The following RPGRIP1L variants were observed in gnomAD, a reference collection of about 807,000 sequenced individuals.
The protein encoded by RPGRIP1L is RPGRIP1 like.
RPGRIP1L carries 131 observed loss-of-function variants against 160.4 expected under a neutral mutation model. The observed-to-expected ratio is 0.82, with a 90% CI of 0.71 to 0.94. RPGRIP1L has a LOEUF of 0.94. Among genes scored for constraint, RPGRIP1L ranks in the 40% least tolerant of loss-of-function variants. RPGRIP1L has a pLI of 0.00. For synonymous variants in RPGRIP1L, 510 were observed against 515.8 expected (o/e 0.99, Z 0.15); for missense variants, 1,522 against 1,535.8 (o/e 0.99, Z 0.15).
In RPGRIP1L at chr16:53,686,383, T is replaced by C. The variant is rs377626981; in HGVS notation, c.776+50A>G. On this transcript the variant is annotated intron_variant, in intron 6 of 26. Transcript: ENST00000647211. ...TCCTTTTATGGCACATGATAAAGTATTTTAAACTAATTTTGACCTTATCAA... is the reference window on the plus strand; with the variant it reads ...TCCTTTTATGGCACATGATAAAGTACTTTAAACTAATTTTGACCTTATCAA... 2.7e-5 allele frequency: 42 copies of C among 1,574,186 alleles called. No individual in the cohort carries two copies. In the African/African-American group the frequency reaches 4.7e-4, roughly 18 times the overall value.
chr16:53,681,110 A>G (rs1969570908), intron 6 of RPGRIP1L, among the ~76,000 whole-genome samples: 1 of 152,242 alleles, frequency 6.6e-6, no homozygotes, highest in South Asian at 2.1e-4. Context: ...GAGGGGAAAG[A>G]GTGAGCCCTG....
In RPGRIP1L at chr16:53,682,764, G is replaced by A. The variant is rs1013574144; in HGVS notation, c.776+3669C>T. On this transcript the variant is annotated intron_variant, in intron 6 of 26. Transcript: ENST00000647211. The stretch of plus-strand genomic sequence containing the variant: ...TTGAGAGGTCTGGTCCTTTAGCACT[G>A]TTTCTCACAAGGAACCATTCTTGGT... Among the ~76,000 whole-genome samples the A allele has an allele frequency of 3.7e-4, 57 of 152,270 alleles. 1 individual carries two copies. Among genetic ancestry groups the A allele is most frequent in the African/African-American group, 1.4e-3 (57 of 41,556 alleles).
rs2150903910 is a variant in RPGRIP1L at position 53,598,540 on chromosome 16, G to T, written c.*3536C>A. The T allele has an allele frequency of 6.6e-6, 1 of 152,266 alleles. No individual in the cohort carries two copies. The highest frequency in any genetic ancestry group is 2.1e-4 in the South Asian group (1 of 4,822). The allele number at this position is 152,266 out of a possible 1,614,324, so 9.4% of individuals were successfully genotyped here. Reference sequence around the variant, plus strand: ...CTACCTTGTAAGATAAAAGAGATTAGGATGAGGAGATGTTTTCTAATTCTA... The same window carrying T: ...CTACCTTGTAAGATAAAAGAGATTATGATGAGGAGATGTTTTCTAATTCTA... On this transcript the variant is annotated 3_prime_UTR_variant, in exon 27 of 27. Coordinates refer to ENST00000647211, the MANE Select transcript of RPGRIP1L (RefSeq NM_015272.5).
intron 2 of RPGRIP1L, among the ~76,000 whole-genome samples, chr16:53,698,338 C>T (rs1255549224): frequency 3.4e-5 from 5 of 146,212 alleles, no homozygotes; most frequent in Admixed American, 6.7e-5. Flanking sequence ...GCCCCCCGCC[C>T]GGCCAGCCAC....
intron 22 of RPGRIP1L, among the ~76,000 whole-genome samples, chr16:53,631,587 G>C (rs1302860844): frequency 1.3e-5 from 2 of 152,076 alleles, no homozygotes; most frequent in Admixed American, 1.3e-4. Context: ...GTTCAGTTTT[G>C]ATGTCTGTTT....
chr16:53,617,259 T>A (rs1271505680), intron 24 of RPGRIP1L, among the ~76,000 whole-genome samples: 2 of 152,006 alleles, frequency 1.3e-5, no homozygotes, highest in Non-Finnish European at 2.9e-5. Context: ...GCCAAGTTTC[T>A]CAATAGACAA....
intron 4 of RPGRIP1L, among the ~76,000 whole-genome samples, chr16:53,690,828 TGA>T (rs2151341560): frequency 6.6e-6 from 1 of 152,296 alleles, no homozygotes; most frequent in African/African-American, 2.4e-5. Context: ...AAAATGAGGC[TGA>T]GGTCAGTATT....
At chr16:53,623,651 C>A (rs951200346) in intron 22 of RPGRIP1L, among the ~76,000 whole-genome samples, 5 of 152,198 alleles carry the variant, frequency 3.3e-5, no homozygotes, top group African/African-American at 1.2e-4. Flanking sequence ...TCCTTTATGA[C>A]AGCAATACTG....
At chr16:53,646,359 A>C (rs1451228283) in intron 16 of RPGRIP1L, among the ~76,000 whole-genome samples, 1 of 152,108 alleles carries the variant, frequency 6.6e-6, no homozygotes, top group African/African-American at 2.4e-5. Flanking sequence ...ACTAAAATAC[A>C]TTCACCCGCC....
intron 22 of RPGRIP1L, 127 bp from the exon 23 acceptor site, chr16:53,622,483 T>G (rs187918350): frequency 2.5e-4 from 117 of 459,974 alleles, no homozygotes; most frequent in East Asian, 2.4e-3. Flanking sequence ...ATTCATACTG[T>G]GTTATTTCCT....
At chr16:53,692,933 C>T (rs1567888828) in intron 3 of RPGRIP1L, among the ~76,000 whole-genome samples, 1 of 152,134 alleles carries the variant, frequency 6.6e-6, no homozygotes, top group African/African-American at 2.4e-5. Context: ...GCTCAAGAAA[C>T]ACTTGTGTTT....
chr16:53,695,509 C>T (rs1970688935), intron 3 of RPGRIP1L: 4 of 673,852 alleles, frequency 5.9e-6, no homozygotes, highest in Non-Finnish European at 8.1e-6. Context: ...CATCTGAACA[C>T]ACTTTGTTTT....
intron 22 of RPGRIP1L, among the ~76,000 whole-genome samples, chr16:53,625,188 C>A (rs923084320): frequency 6.6e-6 from 1 of 152,202 alleles, no homozygotes; most frequent in African/African-American, 2.4e-5. Context: ...GCCGCCACCC[C>A]GTCTAGGAAG....
At chr16:53,648,348 T>G (rs1476194310) in intron 16 of RPGRIP1L, among the ~76,000 whole-genome samples, 3 of 152,100 alleles carry the variant, frequency 2.0e-5, no homozygotes, top group Non-Finnish European at 4.4e-5. Flanking sequence ...TTCAGAAACT[T>G]AACATGAGGA....
intron 2 of RPGRIP1L, among the ~76,000 whole-genome samples, chr16:53,697,547 G>A (rs985103176): frequency 5.3e-5 from 8 of 152,212 alleles, no homozygotes; most frequent in Admixed American, 2.6e-4. Context: ...TTTTTTTGGT[G>A]GAGACGGGGT....
At chr16:53,610,185 C>T (rs1182849628) in intron 25 of RPGRIP1L, among the ~76,000 whole-genome samples, 3 of 152,034 alleles carry the variant, frequency 2.0e-5, no homozygotes, top group Admixed American at 6.6e-5. Flanking sequence ...TCAAACTCTG[C>T]GGCAGAAGCT....
chr16:53,645,635 C>T lies in RPGRIP1L; in HGVS notation c.2673G>A (p.Arg891=), dbSNP rs61742381. The T allele has an allele frequency of 3.6e-4, 573 of 1,613,588 alleles. 1 individual carries two copies. In the African/African-American group the frequency reaches 7.0e-3, roughly 20 times the overall value. Residue 891 remains arginine, a synonymous_variant, in exon 17 of 27, where the codon AGG becomes AGA. Transcript: ENST00000647211. ...NVPLISLAHD[R]CISGIFELTD... is the part of the protein sequence containing the mutation. The stretch of plus-strand genomic sequence containing the variant: ...AAAACATAGGCTTACCTGAGATACA[C>T]CTGTCATGTGCCAACGAAATCAGAG...
chr16:53,625,124 C>T (rs1828902152), intron 22 of RPGRIP1L, among the ~76,000 whole-genome samples: 2 of 152,334 alleles, frequency 1.3e-5, no homozygotes, highest in African/African-American at 4.8e-5. Flanking sequence ...CAACCTCCAC[C>T]TCCCAGCCGC....
chr16:53,657,645 A>C lies in RPGRIP1L; in HGVS notation c.1402-13T>G, dbSNP rs940616503. ...GTTCTTTTTGAGCCTAAAATAAAAA[A>C]CATGTTTTATGACTGAAACAAAAAT... is the stretch of plus-strand genomic sequence containing the variant. On this transcript the variant is annotated splice_polypyrimidine_tract_variant and intron_variant, in intron 12 of 26. Transcript: ENST00000647211. The C allele has an allele frequency of 1.3e-6, 2 of 1,522,850 alleles. No individual in the cohort carries two copies. Among genetic ancestry groups the C allele is most frequent in the Admixed American group, 3.6e-5 (2 of 55,790 alleles). 94.3% of individuals were successfully genotyped at this position (1,522,850 alleles called of 1,614,324 possible).
Sources: gnomAD v4.1 joint callset for allele counts (sites outside exome capture counted in the v4.1 genomes callset) on GRCh38, gnomAD v4.1.1 for gene constraint, MANE v1.5 for transcripts, NCBI Gene and HGNC (gene_info 2026-07-23, HGNC 2026-07-21) for gene names.